The following PDE4D variants were observed in gnomAD, a reference collection of about 807,000 sequenced individuals.
The protein encoded by PDE4D is 3',5'-cyclic-AMP phosphodiesterase 4D.
In PDE4D, 24 loss-of-function variants were observed where a neutral mutation model predicts 87.4. The observed-to-expected ratio is 0.27, with a 90% CI of 0.20 to 0.39. The LOEUF (loss-of-function observed/expected upper bound fraction) is 0.39, where lower values mean the gene tolerates loss of function less well. PDE4D is among the 10% of genes least tolerant of loss of function. The pLI is 1.00. For synonymous variants in PDE4D, 384 were observed against 383.2 expected (o/e 1.00, Z -0.02); for missense variants, 714 against 1,041.0 (o/e 0.69, Z 4.32).
chr5:59,548,857 C>G (rs1417024657), intron 1 of PDE4D, among the ~76,000 whole-genome samples: 5 of 152,096 alleles, frequency 3.3e-5, no homozygotes, highest in Non-Finnish European at 7.4e-5. Context: ...GAGAGAAACT[C>G]CCATGACACC....
rs182167775 is a variant in PDE4D at position 60,516,986 on chromosome 5, G to C, written n.70+5065C>G. Among the ~76,000 whole-genome samples the C allele has an allele frequency of 5.9e-5, 9 of 152,272 alleles. No homozygotes were observed. In the East Asian group the frequency reaches 1.7e-3, roughly 29 times the overall value. ...CCACCCAGCTGTGGGTGCAGACCCA[G>C]GCATCCCTGTACTCTCAGAAGCCCA... On this transcript the variant is annotated intron_variant and non_coding_transcript_variant, in intron 1 of 2. Coordinates refer to the PDE4D transcript ENST00000506510.
chr5:59,136,462 A>C (rs1169236397), intron 5 of PDE4D, among the ~76,000 whole-genome samples: 1 of 152,360 alleles, frequency 6.6e-6, no homozygotes, highest in Non-Finnish European at 1.5e-5. Flanking sequence ...TATTAATTGT[A>C]GTAAAAACTG....
At chr5:59,977,524 C>T (rs66544976) in intron 3 of PDE4D, among the ~76,000 whole-genome samples, 40,236 of 152,026 alleles carry the variant, frequency 0.26, 5,774 homozygotes, top group Admixed American at 0.35. Flanking sequence ...GGTGCACAAG[C>T]TACCCATTTA....
At chr5:60,152,651 T>C (rs1781615875) in intron 2 of PDE4D, among the ~76,000 whole-genome samples, 2 of 62,444 alleles carry the variant, frequency 3.2e-5, no homozygotes, top group Non-Finnish European at 6.3e-5. Context: ...AGACTCTGTC[T>C]CAAAAAAAAA....
At chr5:59,444,397 C>T (rs1242450812) in intron 1 of PDE4D, among the ~76,000 whole-genome samples, 1 of 152,160 alleles carries the variant, frequency 6.6e-6, no homozygotes, top group Non-Finnish European at 1.5e-5. Context: ...GACAGCAGGC[C>T]TGAGTTTGTC....
At position 59,837,299 on chromosome 5, in the gene PDE4D, G is replaced by A. The variant is rs555100021; in HGVS notation, c.455+55869C>T. Among the ~76,000 whole-genome samples, 3 of 152,156 alleles carry A rather than the reference G, an allele frequency of 2.0e-5. No homozygotes were observed. In the South Asian group the frequency reaches 6.2e-4, roughly 32 times the overall value. On this transcript the variant is annotated intron_variant, in intron 1 of 14. Transcript: ENST00000340635. ...TACCCCCTGTCCAGTGTCTAGCCAG[G>A]TCTAACTCTCTGCCTCCTCTGGAAC...
chr5:59,361,552 A>T (rs1782226912), intron 1 of PDE4D, among the ~76,000 whole-genome samples: 1 of 152,176 alleles, frequency 6.6e-6, no homozygotes, highest in South Asian at 2.1e-4. Flanking sequence ...ATATAGGATT[A>T]CATCTTGAAA....
intron 1 of PDE4D, among the ~76,000 whole-genome samples, chr5:59,755,649 C>G (rs1761111010): frequency 6.6e-6 from 1 of 152,002 alleles, no homozygotes; most frequent in Admixed American, 6.6e-5. Flanking sequence ...AAATCATACG[C>G]TGTTCTATTT....
At chr5:60,253,988 G>T (rs1017918924) in intron 1 of PDE4D, among the ~76,000 whole-genome samples, 3 of 151,904 alleles carry the variant, frequency 2.0e-5, no homozygotes, top group Non-Finnish European at 2.9e-5. Context: ...TCTTGTTTCT[G>T]AAAAGAATCA....
chr5:60,008,138 G>A (rs1764662850), intron 2 of PDE4D, among the ~76,000 whole-genome samples: 1 of 151,618 alleles, frequency 6.6e-6, no homozygotes, highest in Non-Finnish European at 1.5e-5. Context: ...ACAAAGATTG[G>A]GTCTAATTGC....
intron 1 of PDE4D, among the ~76,000 whole-genome samples, chr5:60,471,488 C>T (rs968562284): frequency 1.3e-5 from 2 of 152,180 alleles, no homozygotes; most frequent in East Asian, 3.9e-4. Flanking sequence ...TGCTATCAAA[C>T]AGCACTGCAT....
At chr5:59,453,019 A>G (rs1261291043) in intron 1 of PDE4D, among the ~76,000 whole-genome samples, 1 of 149,702 alleles carries the variant, frequency 6.7e-6, no homozygotes, top group African/African-American at 2.5e-5. Flanking sequence ...TATGGGTACC[A>G]TTTTTCTAAC....
At chr5:60,302,938 T>C (rs1455941912) in intron 1 of PDE4D, among the ~76,000 whole-genome samples, 1 of 152,114 alleles carries the variant, frequency 6.6e-6, no homozygotes, top group African/African-American at 2.4e-5. Context: ...CAAGAGATTG[T>C]CCTGCCTCAG....
chr5:59,589,587 T>C (rs1825640967), intron 1 of PDE4D, among the ~76,000 whole-genome samples: 1 of 152,220 alleles, frequency 6.6e-6, no homozygotes, highest in Non-Finnish European at 1.5e-5. Context: ...TTTTCCTTTG[T>C]AATGAACATC....
chr5:58,995,340 T>C (rs968898478), intron 6 of PDE4D, among the ~76,000 whole-genome samples: 1 of 152,194 alleles, frequency 6.6e-6, no homozygotes, highest in Admixed American at 6.5e-5. Flanking sequence ...ATACATATTT[T>C]TAAAACTGGC....
At chr5:59,033,067 A>G (rs1410080880) in intron 6 of PDE4D, among the ~76,000 whole-genome samples, 1 of 152,234 alleles carries the variant, frequency 6.6e-6, no homozygotes, top group African/African-American at 2.4e-5. Context: ...ACAAAGTATA[A>G]CAAAACAAAA....
At chr5:60,046,745 G>A (rs1338370286) in intron 2 of PDE4D, among the ~76,000 whole-genome samples, 2 of 152,180 alleles carry the variant, frequency 1.3e-5, no homozygotes, top group African/African-American at 2.4e-5. Flanking sequence ...TAAGCTTTTT[G>A]ATGTGCTGCT....
At chr5:59,864,743 C>T (rs6893381) in intron 1 of PDE4D, among the ~76,000 whole-genome samples, 14,121 of 152,148 alleles carry the variant, frequency 0.093, 2,024 homozygotes, top group African/African-American at 0.31. Flanking sequence ...CCCTTAGATG[C>T]CTGTGGAGCG....
chr5:60,289,180 T>A (rs1752677260), intron 1 of PDE4D, among the ~76,000 whole-genome samples: 1 of 152,138 alleles, frequency 6.6e-6, no homozygotes, highest in African/African-American at 2.4e-5. Flanking sequence ...TAAAGGAAAA[T>A]GCGTTAGAAA....
Sources: allele counts gnomAD v4.1 joint callset (sites outside exome capture counted in the v4.1 genomes callset), GRCh38; gene constraint gnomAD v4.1.1; transcripts MANE v1.5; gene names NCBI Gene and HGNC (gene_info 2026-07-23, HGNC 2026-07-21).